The following ELMO1 variants were observed in gnomAD, a reference collection of about 807,000 sequenced individuals.
The protein encoded by ELMO1 is engulfment and cell motility protein 1.
A neutral mutation model predicts 98.9 loss-of-function variants in ELMO1; 26 were observed. The ratio of observed to expected loss-of-function variants is 0.26; its 90% confidence interval spans 0.19 to 0.36. The LOEUF (loss-of-function observed/expected upper bound fraction) is 0.36. ELMO1 is among the 10% of genes least tolerant of loss of function. The pLI, the probability that ELMO1 is intolerant of heterozygous loss-of-function variation, is 1.00. For synonymous variants in ELMO1, 346 were observed against 346.0 expected (o/e 1.00, Z 0.00); for missense variants, 627 against 935.2 (o/e 0.67, Z 4.30).
intron 10 of ELMO1, among the ~76,000 whole-genome samples, chr7:37,218,035 C>T (rs1793394623): frequency 6.6e-6 from 1 of 152,134 alleles, no homozygotes; most frequent in Non-Finnish European, 1.5e-5. Context: ...CCTTCCCTTC[C>T]ACGAGGCATA....
rs148660263 is a variant in ELMO1 at position 36,963,364 on chromosome 7, A to G, written c.1437+49935T>C. 4.3e-3 allele frequency among the ~76,000 whole-genome samples: 642 copies of G among 151,058 alleles called. 11 individuals are homozygous for G. Among genetic ancestry groups the G allele is most frequent in the African/African-American group, 0.015 (613 of 40,834 alleles). On this transcript the variant is annotated intron_variant, in intron 16 of 21. Transcript: ENST00000310758. ...CTGCACTCCAGCCTGGTGACAGTGC[A>G]AGACTCCATCTCAAATAAATAAATA... is the stretch of plus-strand genomic sequence containing the variant.
At chr7:37,124,328 A>G (rs1786331831) in intron 14 of ELMO1, among the ~76,000 whole-genome samples, 1 of 152,202 alleles carries the variant, frequency 6.6e-6, no homozygotes, top group Non-Finnish European at 1.5e-5. Context: ...TCAATTAGGA[A>G]AAGAGGAAGT....
intron 1 of ELMO1, among the ~76,000 whole-genome samples, chr7:37,433,797 T>C (rs80258026): frequency 0.026 from 3,899 of 152,154 alleles, 70 homozygotes; most frequent in Middle Eastern, 0.071. Flanking sequence ...TTGGCAGTCA[T>C]GAACTAGTTT....
chr7:36,995,814 C>T (rs1156688680), intron 16 of ELMO1, among the ~76,000 whole-genome samples: 1 of 152,140 alleles, frequency 6.6e-6, no homozygotes, highest in African/African-American at 2.4e-5. Context: ...GACTATGATT[C>T]TAAATGGCTG....
At chr7:37,217,626 G>C (rs1159953678) in intron 10 of ELMO1, 1 of 446,478 alleles carries the variant, frequency 2.2e-6, no homozygotes, top group Non-Finnish European at 4.5e-6. Flanking sequence ...AGATTTCTGA[G>C]GAGGGCATAC....
Position 36,853,769 on chromosome 7 carries a change from G to A in ELMO1, c.*1782C>T, listed in dbSNP as rs6462719. ...CTGTGAGGCCAGAGTGGCTGGTGCT[G>A]TGCCACGCTTAATACTGCATGCTTG... is the stretch of plus-strand genomic sequence containing the variant. On this transcript the variant is annotated 3_prime_UTR_variant, in exon 22 of 22. Coordinates refer to ENST00000310758, the MANE Select transcript of ELMO1 (RefSeq NM_014800.11). 0.48 allele frequency among the ~76,000 whole-genome samples: 73,280 copies of A among 152,024 alleles called. 18,026 individuals carry two copies. Among genetic ancestry groups the A allele is most frequent in the Middle Eastern group, 0.57 (167 of 294 alleles).
Position 37,155,503 on chromosome 7 carries a change from A to AAAAATAAAAAAT in ELMO1, c.1087-22270_1087-22269insATTTTTTATTTT, listed in dbSNP as rs1563040769. Among the ~76,000 whole-genome samples, 81 of 131,774 alleles carry AAAAATAAAAAAT rather than the reference A, an allele frequency of 6.1e-4. 2 individuals carry two copies. The highest frequency in any genetic ancestry group is 8.6e-4 in the Non-Finnish European group (53 of 61,902). The allele number at this position is 131,774 out of a possible 152,430, so 86.4% of individuals were successfully genotyped here. A position where few individuals can be genotyped will look rare whatever the true frequency, so the allele number is the denominator to read the frequency against. The stretch of plus-strand genomic sequence containing the variant: ...AACGGAAAGCAAAAAAAAAAAAAAA[A>AAAAATAAAAAAT]AAAAAGCAGGTGTTGCAATCCTGGT... On this transcript the variant is annotated intron_variant, in intron 13 of 21. Coordinates refer to ENST00000310758, the MANE Select transcript of ELMO1 (RefSeq NM_014800.11).
intron 1 of ELMO1, among the ~76,000 whole-genome samples, chr7:37,422,980 T>C (rs1426838533): frequency 6.6e-6 from 1 of 152,194 alleles, no homozygotes; most frequent in African/African-American, 2.4e-5. Flanking sequence ...ATTTTACAGA[T>C]GGGGAATTGA....
At chr7:36,908,622 G>A (rs987014287) in intron 16 of ELMO1, among the ~76,000 whole-genome samples, 6 of 151,760 alleles carry the variant, frequency 4.0e-5, no homozygotes, top group South Asian at 4.2e-4. Flanking sequence ...AATCAAAGCC[G>A]GCTTCAAAAA....
chr7:37,121,445 T>C (rs1404231673), intron 14 of ELMO1, among the ~76,000 whole-genome samples: 2 of 152,198 alleles, frequency 1.3e-5, no homozygotes, highest in Non-Finnish European at 2.9e-5. Flanking sequence ...CTGATGGAGC[T>C]GAAAACCATG....
At chr7:37,037,201 T>C (rs944544145) in intron 15 of ELMO1, among the ~76,000 whole-genome samples, 1 of 152,250 alleles carries the variant, frequency 6.6e-6, no homozygotes, top group Non-Finnish European at 1.5e-5. Context: ...ATATGCCCTT[T>C]AATGTTTTAA....
chr7:37,035,775 T>C (rs1229639185), intron 15 of ELMO1, among the ~76,000 whole-genome samples: 2 of 152,230 alleles, frequency 1.3e-5, no homozygotes. Flanking sequence ...TTTTTCACTG[T>C]AATACACAAT....
chr7:36,991,447 A>G (rs773816254), intron 16 of ELMO1, among the ~76,000 whole-genome samples: 15 of 152,212 alleles, frequency 9.9e-5, no homozygotes, highest in Non-Finnish European at 1.8e-4. Flanking sequence ...CATTCAAGAG[A>G]CTTTGGAGAG....
intron 14 of ELMO1, among the ~76,000 whole-genome samples, chr7:37,116,258 C>T (rs1352795903): frequency 6.6e-6 from 1 of 152,130 alleles, no homozygotes; most frequent in Non-Finnish European, 1.5e-5. Flanking sequence ...GAGCTCTGCA[C>T]AGCTAAGGTA....
chr7:37,204,221 A>C, intron 13 of ELMO1: 1 of 455,860 alleles, frequency 2.2e-6, no homozygotes, highest in Non-Finnish European at 4.4e-6. Context: ...TTCAAGAATG[A>C]AGCCATGGAC....
intron 1 of ELMO1, among the ~76,000 whole-genome samples, chr7:37,358,232 T>A (rs945429244): frequency 1.3e-5 from 2 of 152,210 alleles, no homozygotes; most frequent in South Asian, 4.1e-4. Flanking sequence ...GAAAATTTAC[T>A]TTGATTTCTC....
At chr7:36,937,424 T>C (rs970599653) in intron 16 of ELMO1, among the ~76,000 whole-genome samples, 2 of 152,226 alleles carry the variant, frequency 1.3e-5, no homozygotes, top group Non-Finnish European at 2.9e-5. Context: ...GAGATTCCCC[T>C]GCAGATTTCA....
chr7:37,313,246 A>G (rs1798976427), intron 4 of ELMO1, among the ~76,000 whole-genome samples: 1 of 152,100 alleles, frequency 6.6e-6, no homozygotes, highest in African/African-American at 2.4e-5. Context: ...TTCTCTCGAG[A>G]TGGAGTCTCG....
At position 36,911,999 on chromosome 7, in the gene ELMO1, T is replaced by C. The variant is rs200186378; in HGVS notation, c.1438-16982A>G. 2.0e-5 allele frequency among the ~76,000 whole-genome samples: 3 copies of C among 152,188 alleles called. No individual in the cohort carries two copies. In the East Asian group the frequency reaches 5.8e-4, roughly 29 times the overall value. ...ATGAGCAAACATGAGTGATGACTGT[T>C]GGGTAAACACCATGCAGAGAATGTA... On this transcript the variant is annotated intron_variant, in intron 16 of 21. Transcript: ENST00000310758.
Sources: gnomAD v4.1 joint callset for allele counts (sites outside exome capture counted in the v4.1 genomes callset) on GRCh38, gnomAD v4.1.1 for gene constraint, MANE v1.5 for transcripts, NCBI Gene and HGNC (gene_info 2026-07-23, HGNC 2026-07-21) for gene names.